The following LUC7L2 variants were observed in gnomAD, a reference collection of about 807,000 sequenced individuals.
The protein encoded by LUC7L2 is putative RNA-binding protein Luc7-like 2.
LUC7L2 carries 25 observed loss-of-function variants against 52.8 expected under a neutral mutation model. That is an observed-to-expected ratio of 0.47 (90% CI 0.34 to 0.66). LUC7L2 has a LOEUF of 0.66. Among genes scored for constraint, LUC7L2 ranks in the 30% least tolerant of loss-of-function variants. LUC7L2 has a pLI of 0.01. For synonymous variants in LUC7L2, 144 were observed against 160.9 expected (o/e 0.89, Z 0.80); for missense variants, 328 against 497.8 (o/e 0.66, Z 3.25).
chr7:139,415,839 C>T (rs1040972996), intron 8 of LUC7L2, among the ~76,000 whole-genome samples: 2 of 151,632 alleles, frequency 1.3e-5, no homozygotes, highest in African/African-American at 4.8e-5. Flanking sequence ...AAGCTACGTC[C>T]ATGTCATGTA....
At chr7:139,405,823 A>C in intron 5 of LUC7L2, 36 bp downstream of exon 5, 1 of 1,559,208 alleles carries the variant, frequency 6.4e-7, no homozygotes, top group South Asian at 1.2e-5. Context: ...ATTCTGCTTA[A>C]TTTGGTAAGA....
chr7:139,379,395 G>T (rs1204294109), intron 2 of LUC7L2, among the ~76,000 whole-genome samples: 1 of 151,184 alleles, frequency 6.6e-6, no homozygotes, highest in Non-Finnish European at 1.5e-5. Context: ...ATTATAAAGA[G>T]GTTGGAACTT....
intron 1 of LUC7L2, among the ~76,000 whole-genome samples, chr7:139,353,658 T>G (rs1799523683): frequency 1.3e-5 from 2 of 152,098 alleles, no homozygotes; most frequent in African/African-American, 4.8e-5. Context: ...CCGGGCGTGG[T>G]GGCAGGCTCC....
At chr7:139,357,136 G>C (rs1799628863), upstream of LUC7L2, among the ~76,000 whole-genome samples, 2 of 152,040 alleles carry the variant, frequency 1.3e-5, no homozygotes, top group African/African-American at 4.8e-5. Context: ...GGTAATCACT[G>C]AAAGAATAAA....
chr7:139,341,527 G>A (rs745404460), intron 1 of LUC7L2: 13 of 1,610,522 alleles, frequency 8.1e-6, no homozygotes, highest in African/African-American at 2.7e-5. Context: ...CATCGGGTAC[G>A]GGAGCCATGT....
intron 6 of LUC7L2, among the ~76,000 whole-genome samples, chr7:139,408,136 A>G (rs973159266): frequency 2.6e-5 from 4 of 152,330 alleles, no homozygotes; most frequent in East Asian, 1.9e-4. Flanking sequence ...CATAGCATTT[A>G]AAATAATATA....
intron 1 of LUC7L2, chr7:139,346,447 T>C (rs1358117591): frequency 6.6e-6 from 1 of 152,156 alleles, no homozygotes; most frequent in Non-Finnish European, 1.5e-5. Context: ...TAAAAATACA[T>C]AAATTTGATG....
chr7:139,361,540 C>T (rs1232599356), intron 1 of LUC7L2, among the ~76,000 whole-genome samples: 2 of 152,116 alleles, frequency 1.3e-5, no homozygotes, highest in African/African-American at 2.4e-5. Flanking sequence ...AATAAAAACC[C>T]ATATTGGGAA....
intron 2 of LUC7L2, among the ~76,000 whole-genome samples, chr7:139,378,107 T>G (rs1307019097): frequency 1.3e-5 from 2 of 152,022 alleles, no homozygotes; most frequent in East Asian, 3.9e-4. Context: ...CGTGACCCAC[T>G]GCACCTGGCC....
chr7:139,364,073 C>T (rs1339308103), intron 1 of LUC7L2, among the ~76,000 whole-genome samples: 1 of 148,678 alleles, frequency 6.7e-6, no homozygotes, highest in Admixed American at 6.8e-5. Flanking sequence ...CAACCTCCAC[C>T]TCCTGGGTTC....
intron 9 of LUC7L2, among the ~76,000 whole-genome samples, chr7:139,419,811 T>C (rs1430578241): frequency 6.6e-6 from 1 of 152,242 alleles, no homozygotes; most frequent in South Asian, 2.1e-4. Flanking sequence ...GTAAAACTAT[T>C]AAAAGTTTTG....
intron 1 of LUC7L2, among the ~76,000 whole-genome samples, chr7:139,366,526 T>G (rs534257088): frequency 2.0e-5 from 3 of 152,236 alleles, no homozygotes; most frequent in Non-Finnish European, 4.4e-5. Context: ...ATGTTTTAGA[T>G]CAGGGACTGG....
chr7:139,344,441 C>T (rs531784148), intron 1 of LUC7L2, among the ~76,000 whole-genome samples: 3 of 152,220 alleles, frequency 2.0e-5, no homozygotes, highest in South Asian at 2.1e-4. Flanking sequence ...CTATGTAAAT[C>T]GTTGTTATAC....
chr7:139,346,595 T>C (rs1799278671), intron 1 of LUC7L2, among the ~76,000 whole-genome samples: 1 of 152,058 alleles, frequency 6.6e-6, no homozygotes, highest in South Asian at 2.1e-4. Context: ...GAGAGGTCTT[T>C]TTATATTTTA....
intron 7 of LUC7L2, among the ~76,000 whole-genome samples, chr7:139,412,104 A>G (rs1446471438): frequency 3.9e-5 from 6 of 152,038 alleles, no homozygotes; most frequent in African/African-American, 9.7e-5. Context: ...AGACACTTCA[A>G]ATTTTGAAAA....
intron 4 of LUC7L2, among the ~76,000 whole-genome samples, chr7:139,404,532 A>T (rs1168325000): frequency 6.6e-6 from 1 of 152,210 alleles, no homozygotes; most frequent in Non-Finnish European, 1.5e-5. Flanking sequence ...ACAACAAAAA[A>T]TTAAAACCTT....
intron 4 of LUC7L2, 63 bp downstream of exon 4, chr7:139,402,310 TA>T: frequency 1.4e-6 from 2 of 1,419,170 alleles, no homozygotes; most frequent in Non-Finnish European, 1.9e-6. Context: ...TTTAAGTTTT[TA>T]TTTTGAAATA....
At chr7:139,353,718 G>A (rs1282881885) in intron 1 of LUC7L2, among the ~76,000 whole-genome samples, 3 of 152,006 alleles carry the variant, frequency 2.0e-5, no homozygotes, top group Non-Finnish European at 2.9e-5. Context: ...ACTTGAATCC[G>A]GGAGGTGGAG....
In LUC7L2 at chr7:139,422,530, TC is replaced by T. The variant is rs1795950248; in HGVS notation, c.*191del. On this transcript the variant is annotated 3_prime_UTR_variant, in exon 10 of 10. Transcript: ENST00000354926. ...GATGCCTAAAACTACATCCATAGTTTCTGGTGAACCTGTAATACAGTTCTGA... is the reference window on the plus strand; with the variant it reads ...GATGCCTAAAACTACATCCATAGTTTTGGTGAACCTGTAATACAGTTCTGA... 8 of 1,204,212 alleles carry T rather than the reference TC, an allele frequency of 6.6e-6. No individual in the cohort carries two copies. Among genetic ancestry groups the T allele is most frequent in the Non-Finnish European group, 8.5e-6 (8 of 937,734 alleles). The allele number at this position is 1,204,212 out of a possible 1,614,324, so 74.6% of individuals were successfully genotyped here.
Sources: gnomAD v4.1 joint callset for allele counts (sites outside exome capture counted in the v4.1 genomes callset) on GRCh38, gnomAD v4.1.1 for gene constraint, MANE v1.5 for transcripts, NCBI Gene and HGNC (gene_info 2026-07-23, HGNC 2026-07-21) for gene names.